Variants in NOTCH1 observed in about 807,000 individuals in gnomAD.
NOTCH1 encodes the protein notch receptor 1.
In NOTCH1, 37 loss-of-function variants were observed where a neutral mutation model predicts 254.8. That is an observed-to-expected ratio of 0.15 (90% confidence interval 0.11 to 0.19). The LOEUF is 0.19. Among genes scored for constraint, NOTCH1 ranks in the 10% least tolerant of loss-of-function variants. The pLI is 1.00. For synonymous variants in NOTCH1, 1,731 were observed against 1,618.1 expected, an observed-to-expected ratio of 1.07 and a Z score of -1.68; for missense variants, 2,972 against 3,708.6, an observed-to-expected ratio of 0.80 and a Z score of 5.16.
Position 136,513,288 on chromosome 9 carries a change from G to T in NOTCH1, c.2353+104C>A. 1 of 1,551,552 alleles carries T rather than the reference G, an allele frequency of 6.4e-7. No homozygotes were observed. The highest frequency in any genetic ancestry group is 1.1e-5 in the South Asian group (1 of 88,694). On this transcript the variant is annotated intron_variant, in intron 14 of 33. Coordinates refer to ENST00000651671, the MANE Select transcript of NOTCH1 (RefSeq NM_017617.5). The surrounding 1 kb of genome is among the most constrained non-coding windows in gnomAD (Gnocchi z 4.7). ...AGCTAAGGCTTTGCCACGGGAGGGAGACACCATGCATGGTGCTGGCTGGAC... is the reference window on the plus strand; with the variant it reads ...AGCTAAGGCTTTGCCACGGGAGGGATACACCATGCATGGTGCTGGCTGGAC...
chr9:136,518,898 G>A lies in NOTCH1; in HGVS notation c.866-74C>T, dbSNP rs148098147. 1.3e-3 allele frequency: 1,768 copies of A among 1,346,756 alleles called. 17 individuals are homozygous for A. In the African/African-American group the frequency reaches 0.022, roughly 17 times the overall value. 83.4% of individuals were successfully genotyped at this position (1,346,756 alleles called of 1,614,324 possible). ...CTCCCTGTCCCCTAAGACGCAGGGT[G>A]GCAATGCCGCCCCCTCCAGGAAGCC... is the stretch of plus-strand genomic sequence containing the variant. On this transcript the variant is annotated intron_variant, in intron 5 of 33. Transcript: ENST00000651671.
rs1289331169 is a variant in NOTCH1 at position 136,519,366 on chromosome 9, T to C, written c.865+77A>G. 4 of 1,586,988 alleles carry C rather than the reference T, an allele frequency of 2.5e-6. No homozygotes were observed. In the African/African-American group the frequency reaches 5.4e-5, roughly 21 times the overall value. On this transcript the variant is annotated intron_variant, in intron 5 of 33. Coordinates refer to ENST00000651671, the MANE Select transcript of NOTCH1 (RefSeq NM_017617.5). Reference sequence around the variant, plus strand: ...ACAGGGTCTCGGCTGCTCCCCGCTATGCCTGTGAGTGCAGTTTAGTAAGTG... The same window carrying C: ...ACAGGGTCTCGGCTGCTCCCCGCTACGCCTGTGAGTGCAGTTTAGTAAGTG...
rs906971772 is a variant in NOTCH1 at position 136,545,916 on chromosome 9, G to C, written c.-130C>G. 1.4e-4 allele frequency: 43 copies of C among 303,378 alleles called. No individual in the cohort carries two copies. The South Asian group carries it at 4.6e-3, about 33-fold the overall frequency. The allele number at this position is 303,378 out of a possible 1,614,324, so 18.8% of individuals were successfully genotyped here. A position where few individuals can be genotyped will look rare whatever the true frequency, so the allele number is the denominator to read the frequency against. On this transcript the variant is annotated 5_prime_UTR_variant, in exon 1 of 34. Coordinates refer to ENST00000651671, the MANE Select transcript of NOTCH1 (RefSeq NM_017617.5). The surrounding 1 kb of genome is among the most constrained non-coding windows in gnomAD (Gnocchi z 6.8). Reference sequence around the variant, plus strand: ...GGTCCCGCCCTCTCTTCCCCGGCTGGCTGGCGGCGCTGTGCTCTCGCAGGC... The same window carrying C: ...GGTCCCGCCCTCTCTTCCCCGGCTGCCTGGCGGCGCTGTGCTCTCGCAGGC...
At chr9:136,528,489 G>T (rs1187512122) in intron 2 of NOTCH1, among the ~76,000 whole-genome samples, 6 of 142,162 alleles carry the variant, frequency 4.2e-5, no homozygotes, top group Admixed American at 3.5e-4. Context: ...GGACAGTGCG[G>T]GGAATGGGCA....
At chr9:136,503,677 C>T (rs924218765) in intron 26 of NOTCH1, among the ~76,000 whole-genome samples, 1 of 152,210 alleles carries the variant, frequency 6.6e-6, no homozygotes, top group African/African-American at 2.4e-5. Context: ...CAGGAGCCAT[C>T]CCCAGGCCCT....
intron 2 of NOTCH1, among the ~76,000 whole-genome samples, chr9:136,525,473 C>T (rs890775485): frequency 1.3e-5 from 2 of 152,260 alleles, no homozygotes; most frequent in Admixed American, 6.5e-5. Context: ...CCAGCCTCAG[C>T]GGCCCCAGCG....
At chr9:136,523,333 C>A in intron 3 of NOTCH1, 145 bp from the exon 4 acceptor site, 1 of 899,068 alleles carries the variant, frequency 1.1e-6, no homozygotes, top group South Asian at 1.4e-5. Flanking sequence ...GCCGTGAGAC[C>A]GGTCGCCTTT....
Position 136,504,878 on chromosome 9 carries a change from C to T in NOTCH1, c.4813G>A (p.Val1605Ile), listed in dbSNP as rs2133336645. ...TGGCCGTGTGCGTCACGCTTGAAGA[C>T]CACGTTGGTGTGCAGCACGCGGCTG... ...ELSRVLHTNV[V>I]FKRDAHGQQM... Residue 1605 changes from valine (V) to isoleucine (I), a missense_variant, in exon 26 of 34, where the codon GTC becomes ATC. Val to Ile is a conservative substitution (Grantham distance 29). Around this residue, in one of 8 missense-constraint regions of NOTCH1, gnomAD observed 1,343 missense variants for 1,557.0 expected, o/e 0.86. Transcript: ENST00000651671. 1 of 1,585,146 alleles carries T rather than the reference C, an allele frequency of 6.3e-7. No homozygotes were observed. The highest frequency in any genetic ancestry group is 8.6e-7 in the Non-Finnish European group (1 of 1,166,180).
At chr9:136,527,908 G>T (rs1475452810) in intron 2 of NOTCH1, among the ~76,000 whole-genome samples, 1 of 152,130 alleles carries the variant, frequency 6.6e-6, no homozygotes, top group Non-Finnish European at 1.5e-5. Context: ...CCACCACTTT[G>T]TTCCCGCCTC....
chr9:136,525,334 C>G (rs990067753), intron 2 of NOTCH1, among the ~76,000 whole-genome samples: 4 of 152,238 alleles, frequency 2.6e-5, no homozygotes, highest in Admixed American at 6.5e-5. Context: ...GCCTGCCCCC[C>G]CCAGCCACCT....
chr9:136,522,053 C>T (rs942714605), intron 4 of NOTCH1, among the ~76,000 whole-genome samples: 12 of 151,484 alleles, frequency 7.9e-5, no homozygotes, highest in Admixed American at 3.9e-4. Context: ...TCTCGGCTCA[C>T]TGCAACCTCC....
rs1221606038 is a variant in NOTCH1, at chr9:136,508,900, G to A, written c.3141C>T (p.Cys1047=). ...AGTTGGGGCCAGTGTAGCCCTGGGG[G>A]CAGGTGCACCTGTAGGAGCCGCAGC... is the stretch of plus-strand genomic sequence containing the variant. ...QDGCGSYRCT[C]PQGYTGPNCQ... is the part of the protein sequence containing the mutation. Residue 1047 remains cysteine, a synonymous_variant, in exon 19 of 34, where the codon TGC becomes TGT. Coordinates refer to ENST00000651671, the MANE Select transcript of NOTCH1 (RefSeq NM_017617.5). 6.5e-7 allele frequency: 1 copy of A among 1,548,334 alleles called. No homozygotes were observed. Among genetic ancestry groups the A allele is most frequent in the Admixed American group, 2.0e-5 (1 of 51,038 alleles).
chr9:136,520,308 C>T (rs145053990), intron 4 of NOTCH1, among the ~76,000 whole-genome samples: 8 of 152,260 alleles, frequency 5.3e-5, no homozygotes, highest in African/African-American at 1.9e-4. Context: ...CCCACCTGCT[C>T]GGCCCCTCCC....
intron 33 of NOTCH1, 59 bp from the exon 34 acceptor site, chr9:136,497,617 C>CA (rs1489890612): frequency 6.9e-7 from 1 of 1,442,774 alleles, no homozygotes; most frequent in African/African-American, 1.4e-5. Context: ...GGACCCTCCC[C>CA]AAGGTTCCAT....
chr9:136,501,972 C>G, intron 29 of NOTCH1, 29 bp downstream of exon 29: 1 of 1,611,634 alleles, frequency 6.2e-7, no homozygotes, highest in Non-Finnish European at 8.5e-7. Flanking sequence ...TGCCCGGGAG[C>G]CCAGGAGCCC....
intron 1 of NOTCH1, among the ~76,000 whole-genome samples, chr9:136,544,648 G>C (rs1355134751): frequency 6.6e-6 from 1 of 151,976 alleles, no homozygotes; most frequent in Non-Finnish European, 1.5e-5. Flanking sequence ...ACAAAGCGCC[G>C]GCCTCCGCCT....
chr9:136,495,410 A>G lies in NOTCH1; in HGVS notation c.*661T>C, dbSNP rs112497358. The G allele has an allele frequency of 3.1e-4, 124 of 399,032 alleles. No homozygotes were observed. The highest frequency in any genetic ancestry group is 2.4e-3 in the African/African-American group (115 of 48,776). 24.7% of individuals were successfully genotyped at this position (399,032 alleles called of 1,614,324 possible). A position where few individuals can be genotyped will look rare whatever the true frequency, so the allele number is the denominator to read the frequency against. On this transcript the variant is annotated 3_prime_UTR_variant, in exon 34 of 34. Coordinates refer to ENST00000651671, the MANE Select transcript of NOTCH1 (RefSeq NM_017617.5). ...ACACACTCCGAGAACACATTTTCAC[A>G]AGCATGCTTGCAAGAAACCATCTAA...
At chr9:136,514,155 G>A (rs1327208255) in intron 13 of NOTCH1, among the ~76,000 whole-genome samples, 1 of 152,186 alleles carries the variant, frequency 6.6e-6, no homozygotes, top group African/African-American at 2.4e-5. Context: ...AGGGCAATGG[G>A]GTCCCTGCTG....
chr9:136,519,698 C>T (rs2133373128), intron 4 of NOTCH1, 133 bp from the exon 5 acceptor site: 1 of 1,258,840 alleles, frequency 7.9e-7, no homozygotes, highest in Non-Finnish European at 1.2e-6. Flanking sequence ...GGGTCTGTGC[C>T]CGTCCCCTGC....
Sources: allele counts gnomAD v4.1 joint callset (sites outside exome capture counted in the v4.1 genomes callset), GRCh38; gene constraint gnomAD v4.1.1; regional missense constraint gnomAD v4.1.1; non-coding constraint Gnocchi (gnomAD v3.1); transcripts MANE v1.5; gene names NCBI Gene and HGNC (gene_info 2026-07-23, HGNC 2026-07-21).